Variants in GALNT18 observed in about 807,000 individuals in gnomAD.
GALNT18 encodes the protein GalNAc-transferase 18.
A neutral mutation model predicts 69.5 loss-of-function variants in GALNT18; 44 were observed. The ratio of observed to expected loss-of-function variants is 0.63; its 90% CI spans 0.50 to 0.81. The LOEUF (loss-of-function observed/expected upper bound fraction) is 0.81. Among genes scored for constraint, GALNT18 ranks in the 40% least tolerant of loss-of-function variants. The pLI, the probability that GALNT18 is intolerant of heterozygous loss-of-function variation, is 0.00. For missense variants in GALNT18, 715 were observed against 810.0 expected, an observed-to-expected ratio of 0.88 and a Z score of 1.42; for synonymous variants, 364 against 318.2, an observed-to-expected ratio of 1.14 and a Z score of -1.53.
rs569941825 is a variant in GALNT18, at chr11:11,342,420, A to G, written c.1093-1416T>C. ...AACTTGGTAGATGAAGTTCAGATAT[A>G]TAACATGTACCCATCAACAACAATA... is the stretch of plus-strand genomic sequence containing the variant. On this transcript the variant is annotated intron_variant, in intron 6 of 10. Coordinates refer to ENST00000227756, the MANE Select transcript of GALNT18 (RefSeq NM_198516.3). Among the ~76,000 whole-genome samples, 8 of 152,332 alleles carry G rather than the reference A, an allele frequency of 5.3e-5. No homozygotes were observed. In the East Asian group the frequency reaches 1.5e-3, roughly 29 times the overall value.
At position 11,338,031 on chromosome 11, in the gene GALNT18, G is replaced by T. The variant is rs984755546; in HGVS notation, c.1278+2788C>A. On this transcript the variant is annotated intron_variant, in intron 7 of 10. Transcript: ENST00000227756. The surrounding 1 kb of genome is among the most constrained non-coding windows in gnomAD (Gnocchi z 5.3). ...CAGGCTGGAGTGAGTGCAGTGGCAC[G>T]ATCTCAGCTCACTGGGACCTCCGCC... is the stretch of plus-strand genomic sequence containing the variant. 6.8e-6 allele frequency among the ~76,000 whole-genome samples: 1 copy of T among 146,506 alleles called. No individual in the cohort carries two copies. Among genetic ancestry groups the T allele is most frequent in the Non-Finnish European group, 1.5e-5 (1 of 67,536 alleles).
chr11:11,621,307 G>T lies in GALNT18; in HGVS notation c.235+52C>A. On this transcript the variant is annotated intron_variant, in intron 1 of 10. Transcript: ENST00000227756. This position sits in a 1 kb window ranked among gnomAD's most constrained non-coding sequence, Gnocchi z 9.3. ...CCAGCCCCAGCGCACCCCGCGCCGC[G>T]CGGGGCACTCCCGGGCCTCATGGGC... The T allele has an allele frequency of 6.7e-7, 1 of 1,501,626 alleles. No individual in the cohort carries two copies. Among genetic ancestry groups the T allele is most frequent in the South Asian group, 1.2e-5 (1 of 86,550 alleles). The allele number at this position is 1,501,626 out of a possible 1,614,324, so 93.0% of individuals were successfully genotyped here.
chr11:11,506,861 C>T (rs1007106257), intron 1 of GALNT18, among the ~76,000 whole-genome samples: 1 of 152,160 alleles, frequency 6.6e-6, no homozygotes, highest in African/African-American at 2.4e-5. Context: ...TGGAAAATGG[C>T]CAGCCTGTCC....
intron 3 of GALNT18, among the ~76,000 whole-genome samples, chr11:11,408,364 C>CAAAA (rs57957956): frequency 9.9e-5 from 7 of 70,900 alleles, no homozygotes; most frequent in African/African-American, 2.6e-4. Flanking sequence ...GACTTCATCT[C>CAAAA]AAAAAAAAAA....
At chr11:11,504,968 C>A (rs1246792394) in intron 1 of GALNT18, among the ~76,000 whole-genome samples, 1 of 152,136 alleles carries the variant, frequency 6.6e-6, no homozygotes, top group Non-Finnish European at 1.5e-5. Flanking sequence ...TCACAAGTAG[C>A]TTCCCAGCTA....
intron 10 of GALNT18, 90 bp downstream of exon 10, chr11:11,292,939 C>T: frequency 8.3e-7 from 1 of 1,205,188 alleles, no homozygotes; most frequent in Non-Finnish European, 1.1e-6. Context: ...CTTCCCCTTC[C>T]CCTCTCCTCC....
chr11:11,412,379 T>G (rs1854751054), intron 3 of GALNT18, among the ~76,000 whole-genome samples: 1 of 152,244 alleles, frequency 6.6e-6, no homozygotes, highest in African/African-American at 2.4e-5. Context: ...GCTTCAAAAC[T>G]GCTGAAGCTT....
rs1342944437 is a variant in GALNT18 at position 11,436,470 on chromosome 11, C to T, written c.429-3683G>A. Among the ~76,000 whole-genome samples, 1 of 152,130 alleles carries T rather than the reference C, an allele frequency of 6.6e-6. No individual in the cohort carries two copies. Among genetic ancestry groups the T allele is most frequent in the Non-Finnish European group, 1.5e-5 (1 of 68,036 alleles). On this transcript the variant is annotated intron_variant, in intron 2 of 10. Transcript: ENST00000227756. The surrounding 1 kb of genome is among the most constrained non-coding windows in gnomAD (Gnocchi z 4.5). ...AAAGTCCTAGGCACACCAGGTCAGG[C>T]GGTCCCCCATGCCTATACCACCAGC...
chr11:11,593,870 C>T (rs1859423386), intron 1 of GALNT18, among the ~76,000 whole-genome samples: 1 of 152,192 alleles, frequency 6.6e-6, no homozygotes, highest in African/African-American at 2.4e-5. Flanking sequence ...TCATATGAGC[C>T]TCATGCTCAT....
In GALNT18 at chr11:11,271,004, T is replaced by A. The variant is rs1488186008; in HGVS notation, c.*140A>T. The A allele has an allele frequency of 1.6e-6, 1 of 636,810 alleles. No homozygotes were observed. Among genetic ancestry groups the A allele is most frequent in the African/African-American group, 1.8e-5 (1 of 55,412 alleles). The allele number at this position is 636,810 out of a possible 1,614,324, so 39.4% of individuals were successfully genotyped here. On this transcript the variant is annotated 3_prime_UTR_variant, in exon 11 of 11. Coordinates refer to ENST00000227756, the MANE Select transcript of GALNT18 (RefSeq NM_198516.3). Reference sequence around the variant, plus strand: ...ATCTTTCTATAAACTCCATGAAAATTGAATAGGAAATAAAAAGCTCTTCTT... The same window carrying A: ...ATCTTTCTATAAACTCCATGAAAATAGAATAGGAAATAAAAAGCTCTTCTT...
chr11:11,593,676 C>T (rs1257670069), intron 1 of GALNT18, among the ~76,000 whole-genome samples: 1 of 152,164 alleles, frequency 6.6e-6, no homozygotes, highest in Admixed American at 6.5e-5. Flanking sequence ...TGCCCCTAAC[C>T]CCAGTGCTGT....
chr11:11,286,974 C>G (rs1351007041), intron 10 of GALNT18, among the ~76,000 whole-genome samples: 1 of 152,192 alleles, frequency 6.6e-6, no homozygotes, highest in African/African-American at 2.4e-5. Context: ...CCCAACTCCA[C>G]TGACAGCTGT....
At chr11:11,450,084 A>AAGCC (rs1390350459) in intron 1 of GALNT18, among the ~76,000 whole-genome samples, 1 of 152,166 alleles carries the variant, frequency 6.6e-6, no homozygotes, top group Non-Finnish European at 1.5e-5. Context: ...CAGAACTGGC[A>AAGCC]AGCCCACTGG....
Position 11,603,949 on chromosome 11 carries a change from A to C in GALNT18, c.235+17410T>G, listed in dbSNP as rs1318790233. The stretch of plus-strand genomic sequence containing the variant: ...GGAATTAGGAGGTAGGGCCTTTGGG[A>C]GGTGATAAGGCCATGAGGGTGGACC... On this transcript the variant is annotated intron_variant, in intron 1 of 10. Coordinates refer to ENST00000227756, the MANE Select transcript of GALNT18 (RefSeq NM_198516.3). The surrounding 1 kb of genome is among the most constrained non-coding windows in gnomAD (Gnocchi z 4.5). Among the ~76,000 whole-genome samples the C allele has an allele frequency of 6.6e-6, 1 of 152,100 alleles. No individual in the cohort carries two copies. Among genetic ancestry groups the C allele is most frequent in the African/African-American group, 2.4e-5 (1 of 41,412 alleles).
At chr11:11,530,023 A>T (rs151286599) in intron 1 of GALNT18, among the ~76,000 whole-genome samples, 98 of 152,298 alleles carry the variant, frequency 6.4e-4, no homozygotes, top group African/African-American at 2.2e-3. Flanking sequence ...ACATACTGAC[A>T]TCCCACCTAG....
chr11:11,381,408 CCCT>C (rs1397639542), intron 3 of GALNT18, among the ~76,000 whole-genome samples: 2 of 152,182 alleles, frequency 1.3e-5, no homozygotes, highest in African/African-American at 4.8e-5. Flanking sequence ...CCCCTTCTCT[CCCT>C]CCTCAACCCT....
rs750831947 is a variant in GALNT18 at position 11,337,995 on chromosome 11, G to A, written c.1278+2824C>T. On this transcript the variant is annotated intron_variant, in intron 7 of 10. Coordinates refer to ENST00000227756, the MANE Select transcript of GALNT18 (RefSeq NM_198516.3). This position sits in a 1 kb window ranked among gnomAD's most constrained non-coding sequence, Gnocchi z 4.9. ...TTTTTTTTTTTTTTGAGACAGTCTC[G>A]CTCTGTCACCCAGGCTGGAGTGAGT... Among the ~76,000 whole-genome samples, 14 of 131,394 alleles carry A rather than the reference G, an allele frequency of 1.1e-4. No homozygotes were observed. The highest frequency in any genetic ancestry group is 2.3e-4 in the South Asian group (1 of 4,306). 86.2% of individuals were successfully genotyped at this position (131,394 alleles called of 152,430 possible).
At chr11:11,593,304 A>G in intron 1 of GALNT18, among the ~76,000 whole-genome samples, 1 of 152,070 alleles carries the variant, frequency 6.6e-6, no homozygotes, top group Middle Eastern at 3.2e-3. Context: ...CCTGCCTAGC[A>G]TTTCAGTTTG....
chr11:11,386,888 C>T (rs1854071514), intron 3 of GALNT18, among the ~76,000 whole-genome samples: 1 of 152,192 alleles, frequency 6.6e-6, no homozygotes, highest in African/African-American at 2.4e-5. Context: ...TAAGAATCAG[C>T]TTGTTGAAAT....
Sources: gnomAD v4.1 joint callset for allele counts (sites outside exome capture counted in the v4.1 genomes callset) on GRCh38, gnomAD v4.1.1 for gene constraint, Gnocchi (gnomAD v3.1) non-coding constraint, MANE v1.5 for transcripts, NCBI Gene and HGNC (gene_info 2026-07-23, HGNC 2026-07-21) for gene names.